GRXCR1: variants seen among roughly 807,000 people sequenced by gnomAD.
GRXCR1 encodes the protein glutaredoxin and cysteine rich domain containing 1.
GRXCR1 carries 27 observed loss-of-function variants against 27.3 expected under a neutral mutation model. That is an observed-to-expected ratio of 0.99 (90% CI 0.73 to 1.37). The LOEUF (loss-of-function observed/expected upper bound fraction) is 1.37. GRXCR1 is among the 40% of genes most tolerant of loss of function. The probability of loss-of-function intolerance (pLI) is 0.00; values close to 1 mark genes in which losing one functional copy is unlikely to be tolerated. For missense variants in GRXCR1, 379 were observed against 354.4 expected (o/e 1.07, Z -0.56); for synonymous variants, 122 against 131.1 (o/e 0.93, Z 0.47).
intron 1 of GRXCR1, among the ~76,000 whole-genome samples, chr4:42,941,406 A>C (rs1470358649): frequency 6.6e-6 from 1 of 152,088 alleles, no homozygotes; most frequent in Non-Finnish European, 1.5e-5. Flanking sequence ...ACCATGTTTT[A>C]AAATTATTTT....
chr4:42,956,983 T>C (rs1438610333), intron 1 of GRXCR1, among the ~76,000 whole-genome samples: 1 of 152,100 alleles, frequency 6.6e-6, no homozygotes. Flanking sequence ...TATCAACCCT[T>C]CATACCTATC....
intron 1 of GRXCR1, among the ~76,000 whole-genome samples, chr4:42,949,210 A>C (rs1560661140): frequency 6.7e-6 from 1 of 149,848 alleles, no homozygotes; most frequent in Non-Finnish European, 1.5e-5. Flanking sequence ...ACACACACAC[A>C]AAAAAAAAGC....
intron 1 of GRXCR1, among the ~76,000 whole-genome samples, chr4:42,925,401 A>T (rs184611917): frequency 1.8e-4 from 27 of 152,158 alleles, no homozygotes; most frequent in Admixed American, 1.7e-3. Flanking sequence ...CCACAAGCAA[A>T]TAAGAAGTGA....
At chr4:42,915,847 G>C (rs1476338209) in intron 1 of GRXCR1, among the ~76,000 whole-genome samples, 2 of 152,018 alleles carry the variant, frequency 1.3e-5, no homozygotes, top group African/African-American at 2.4e-5. Flanking sequence ...TAACATGAAT[G>C]TCATGTTTAG....
intron 2 of GRXCR1, among the ~76,000 whole-genome samples, chr4:42,963,611 A>AT (rs1748177337): frequency 6.6e-6 from 1 of 151,966 alleles, no homozygotes; most frequent in African/African-American, 2.4e-5. Flanking sequence ...GTTTAAAATT[A>AT]TTTTTAACTT....
At chr4:42,963,370 A>G (rs1748172285) in intron 2 of GRXCR1, among the ~76,000 whole-genome samples, 1 of 152,040 alleles carries the variant, frequency 6.6e-6, no homozygotes, top group Non-Finnish European at 1.5e-5. Flanking sequence ...TTGAATAGAA[A>G]TAAATGTTTA....
intron 3 of GRXCR1, among the ~76,000 whole-genome samples, chr4:43,026,025 A>G (rs1465910173): frequency 6.7e-6 from 1 of 148,504 alleles, no homozygotes; most frequent in East Asian, 1.9e-4. Context: ...ATAGTTACTA[A>G]TAGTAATGAA....
At chr4:42,940,018 G>A (rs34153132) in intron 1 of GRXCR1, among the ~76,000 whole-genome samples, 19,173 of 151,890 alleles carry the variant, frequency 0.13, 1,366 homozygotes, top group Non-Finnish European at 0.16. Flanking sequence ...GCCTTTACCC[G>A]TGGAGAGCAG....
At chr4:42,904,223 G>A (rs545308627) in intron 1 of GRXCR1, among the ~76,000 whole-genome samples, 1 of 152,260 alleles carries the variant, frequency 6.6e-6, no homozygotes, top group East Asian at 1.9e-4. Flanking sequence ...CACTGATGCT[G>A]CAGGCAGTGC....
At chr4:42,965,463 T>C (rs1560667470) in intron 2 of GRXCR1, among the ~76,000 whole-genome samples, 1 of 152,080 alleles carries the variant, frequency 6.6e-6, no homozygotes, top group Non-Finnish European at 1.5e-5. Context: ...CAATGCACGA[T>C]TGTAAATGGA....
intron 1 of GRXCR1, among the ~76,000 whole-genome samples, chr4:42,904,291 T>C (rs1157605513): frequency 2.0e-5 from 3 of 152,198 alleles, no homozygotes; most frequent in African/African-American, 4.8e-5. Flanking sequence ...TGGGACTACT[T>C]ACCTTCATTG....
At chr4:42,931,576 A>AT (rs33967620) in intron 1 of GRXCR1, among the ~76,000 whole-genome samples, 55,272 of 150,978 alleles carry the variant, frequency 0.37, 10,340 homozygotes, top group South Asian at 0.51. Context: ...GGTCCTTTCA[A>AT]TTTTTTTTTA....
chr4:43,025,843 G>A (rs1452677516), intron 3 of GRXCR1, among the ~76,000 whole-genome samples: 1 of 152,146 alleles, frequency 6.6e-6, no homozygotes, highest in Non-Finnish European at 1.5e-5. Flanking sequence ...GGGCAGGGTG[G>A]TGGGCGCCTG....
At chr4:42,985,591 C>G (rs764469309) in intron 2 of GRXCR1, among the ~76,000 whole-genome samples, 4 of 151,772 alleles carry the variant, frequency 2.6e-5, no homozygotes, top group African/African-American at 4.8e-5. Flanking sequence ...ATTTAGTATT[C>G]TCTCAACCAC....
chr4:42,922,344 C>T (rs1486245407), intron 1 of GRXCR1, among the ~76,000 whole-genome samples: 3 of 152,062 alleles, frequency 2.0e-5, no homozygotes, highest in Non-Finnish European at 4.4e-5. Flanking sequence ...CCTCCTACAC[C>T]TGTGTGTGGT....
chr4:43,023,027 G>C (rs1232276394), intron 3 of GRXCR1, among the ~76,000 whole-genome samples: 1 of 152,120 alleles, frequency 6.6e-6, no homozygotes, highest in Non-Finnish European at 1.5e-5. Context: ...TAATCAGTCT[G>C]ACTCCAAACC....
chr4:42,916,448 C>T (rs994607701), intron 1 of GRXCR1, among the ~76,000 whole-genome samples: 14 of 152,098 alleles, frequency 9.2e-5, no homozygotes, highest in Non-Finnish European at 1.6e-4. Flanking sequence ...GAGATAATAT[C>T]GCCTTAACCT....
At chr4:42,941,213 C>T (rs1028964943) in intron 1 of GRXCR1, among the ~76,000 whole-genome samples, 3 of 151,962 alleles carry the variant, frequency 2.0e-5, no homozygotes, top group African/African-American at 7.2e-5. Flanking sequence ...AGATAAGAGC[C>T]TGGCATACAG....
chr4:42,970,401 T>C (rs1385752415), intron 2 of GRXCR1, among the ~76,000 whole-genome samples: 1 of 152,164 alleles, frequency 6.6e-6, no homozygotes, highest in Non-Finnish European at 1.5e-5. Flanking sequence ...TCTACCCCTC[T>C]GGCTGACTTC....
Sources: gnomAD v4.1 joint callset for allele counts (sites outside exome capture counted in the v4.1 genomes callset) on GRCh38, gnomAD v4.1.1 for gene constraint, MANE v1.5 for transcripts, NCBI Gene and HGNC (gene_info 2026-07-23, HGNC 2026-07-21) for gene names.